Variants in PLEKHH2 observed in about 807,000 individuals in gnomAD.
The protein encoded by PLEKHH2 is pleckstrin homology, MyTH4 and FERM domain containing H2, also known as pleckstrin homology domain-containing family H member 2.
PLEKHH2 carries 129 observed loss-of-function variants against 187.9 expected under a neutral mutation model. That is an observed-to-expected ratio of 0.69 (90% CI 0.59 to 0.79). PLEKHH2 has a LOEUF of 0.79. Ranked by LOEUF, PLEKHH2 falls within the 30% of genes least tolerant of loss-of-function variation. The pLI is 0.00. For missense variants in PLEKHH2, 2,076 were observed against 1,751.2 expected (o/e 1.19, Z -3.31); for synonymous variants, 686 against 605.6 (o/e 1.13, Z -1.95).
intron 28 of PLEKHH2, among the ~76,000 whole-genome samples, chr2:43,763,346 C>T (rs1396434947): frequency 1.3e-5 from 2 of 152,124 alleles, no homozygotes; most frequent in Non-Finnish European, 1.5e-5. Context: ...CTCAGTCTTG[C>T]AAGGTAATCA....
intron 1 of PLEKHH2, among the ~76,000 whole-genome samples, chr2:43,641,692 A>T (rs1365633253): frequency 6.6e-6 from 1 of 152,184 alleles, no homozygotes; most frequent in Non-Finnish European, 1.5e-5. Context: ...GTATGGGTCC[A>T]CATTCATTCT....
chr2:43,748,261 A>G (rs374511545), intron 24 of PLEKHH2, among the ~76,000 whole-genome samples: 1 of 152,224 alleles, frequency 6.6e-6, no homozygotes, highest in African/African-American at 2.4e-5. Context: ...TTTGGTGTCT[A>G]AGATTTTAAA....
At chr2:43,677,405 C>T (rs377217017) in intron 2 of PLEKHH2, among the ~76,000 whole-genome samples, 12 of 152,062 alleles carry the variant, frequency 7.9e-5, no homozygotes, top group East Asian at 3.9e-4. Context: ...TGACTCTTAA[C>T]GAGCATGCTG....
At position 43,682,667 on chromosome 2, in the gene PLEKHH2, C is replaced by G. The variant is rs187259384; in HGVS notation, c.186+3742C>G. Among the ~76,000 whole-genome samples, 14 of 152,182 alleles carry G rather than the reference C, an allele frequency of 9.2e-5. No individual in the cohort carries two copies. In the East Asian group the frequency reaches 2.5e-3, roughly 27 times the overall value. ...TACAATCATCACCTTTATCTAGTTC[C>G]AAAATGTCGAAAGGAAACTCATCTC... On this transcript the variant is annotated intron_variant, in intron 3 of 29. Coordinates refer to ENST00000282406, the MANE Select transcript of PLEKHH2 (RefSeq NM_172069.4).
chr2:43,678,737 A>AGTGGAGGTGGAG (rs1029434928), intron 2 of PLEKHH2, 126 bp from the exon 3 acceptor site: 13,799 of 412,010 alleles, frequency 0.033, 274 homozygotes, highest in South Asian at 0.064. Flanking sequence ...TAGAGGTGGA[A>AGTGGAGGTGGAG]GTGGAGGTGG....
intron 3 of PLEKHH2, chr2:43,679,476 T>C: frequency 2.9e-6 from 1 of 346,848 alleles, no homozygotes; most frequent in Non-Finnish European, 5.5e-6. Flanking sequence ...AATTACGGAA[T>C]CAGGAATGAT....
At chr2:43,654,239 G>C (rs1666630155) in intron 2 of PLEKHH2, among the ~76,000 whole-genome samples, 1 of 152,130 alleles carries the variant, frequency 6.6e-6, no homozygotes, top group South Asian at 2.1e-4. Flanking sequence ...TCTGTTGCCA[G>C]GCTGGAGTGC....
chr2:43,758,211 C>T (rs1180115319), intron 26 of PLEKHH2, among the ~76,000 whole-genome samples: 1 of 152,148 alleles, frequency 6.6e-6, no homozygotes, highest in Non-Finnish European at 1.5e-5. Context: ...GTGGGAGGAC[C>T]TAAAATTCTA....
At chr2:43,672,800 C>T (rs987760758) in intron 2 of PLEKHH2, among the ~76,000 whole-genome samples, 2 of 152,166 alleles carry the variant, frequency 1.3e-5, no homozygotes, top group African/African-American at 2.4e-5. Context: ...CTCCGTAAAA[C>T]TCCCTCTGGT....
chr2:43,679,862 G>C (rs919949985), intron 3 of PLEKHH2, among the ~76,000 whole-genome samples: 1 of 152,000 alleles, frequency 6.6e-6, no homozygotes, highest in Non-Finnish European at 1.5e-5. Flanking sequence ...TGTAATGACA[G>C]GGTCTCACTA....
intron 17 of PLEKHH2, among the ~76,000 whole-genome samples, chr2:43,727,257 C>T (rs1307113871): frequency 6.6e-6 from 1 of 151,802 alleles, no homozygotes; most frequent in Non-Finnish European, 1.5e-5. Context: ...TACTAAAATA[C>T]AAAAATTAGC....
chr2:43,657,956 A>G (rs1322483903), intron 2 of PLEKHH2, among the ~76,000 whole-genome samples: 1 of 152,218 alleles, frequency 6.6e-6, no homozygotes. Context: ...ATTATAACAC[A>G]CATACATAAT....
At chr2:43,733,129 G>A (rs1449480010) in intron 19 of PLEKHH2, among the ~76,000 whole-genome samples, 1 of 152,104 alleles carries the variant, frequency 6.6e-6, no homozygotes, top group Non-Finnish European at 1.5e-5. Flanking sequence ...TTGGAAGGCC[G>A]AGGCGGGCAG....
At chr2:43,687,812 T>C (rs989757027) in intron 3 of PLEKHH2, among the ~76,000 whole-genome samples, 2 of 152,204 alleles carry the variant, frequency 1.3e-5, no homozygotes, top group African/African-American at 4.8e-5. Flanking sequence ...TTATTTTTTT[T>C]TCAAGACAGG....
At chr2:43,675,520 C>G (rs1158034544) in intron 2 of PLEKHH2, 1 of 1,614,008 alleles carries the variant, frequency 6.2e-7, no homozygotes, top group Admixed American at 1.7e-5. Context: ...CATATCTGAA[C>G]AGCAGCCTTC....
intron 27 of PLEKHH2, among the ~76,000 whole-genome samples, chr2:43,760,686 T>G (rs968061212): frequency 6.6e-6 from 1 of 152,176 alleles, no homozygotes; most frequent in African/African-American, 2.4e-5. Flanking sequence ...TTTAAGTGTA[T>G]AGTTCTGTGG....
At chr2:43,679,642 C>T (rs373618854) in intron 3 of PLEKHH2, 53 of 259,178 alleles carry the variant, frequency 2.0e-4, no homozygotes, top group Non-Finnish European at 2.9e-4. Flanking sequence ...ATTACAGGTG[C>T]GCACCACCAT....
intron 2 of PLEKHH2, among the ~76,000 whole-genome samples, chr2:43,663,447 A>C: frequency 5.9e-5 from 1 of 16,880 alleles, no homozygotes; most frequent in Non-Finnish European, 1.1e-4. Flanking sequence ...TGATTTTTTG[A>C]AGGGTTTTTT....
intron 3 of PLEKHH2, among the ~76,000 whole-genome samples, chr2:43,692,036 G>T (rs985812698): frequency 6.6e-6 from 1 of 152,004 alleles, no homozygotes; most frequent in Non-Finnish European, 1.5e-5. Flanking sequence ...GGGGCTTTAA[G>T]GTTGTTTTCC....
Sources: allele counts gnomAD v4.1 joint callset (sites outside exome capture counted in the v4.1 genomes callset), GRCh38; gene constraint gnomAD v4.1.1; transcripts MANE v1.5; gene names NCBI Gene and HGNC (gene_info 2026-07-23, HGNC 2026-07-21).